The following COL27A1 variants were observed in gnomAD, a reference collection of about 807,000 sequenced individuals.
COL27A1 encodes collagen type XXVII alpha 1 chain.
Under a neutral mutation model 251.3 loss-of-function variants are expected in COL27A1, and 106 were observed. That is an observed-to-expected ratio of 0.42 (90% confidence interval 0.36 to 0.50). The LOEUF is 0.50. Ranked by LOEUF, COL27A1 falls within the 20% of genes least tolerant of loss-of-function variation. The pLI, the probability that COL27A1 is intolerant of heterozygous loss-of-function variation, is 0.00. For missense variants in COL27A1, 2,325 were observed against 2,522.8 expected, an observed-to-expected ratio of 0.92 and a Z score of 1.68; for synonymous variants, 1,000 against 986.3, an observed-to-expected ratio of 1.01 and a Z score of -0.26.
At chr9:114,235,447 G>C (rs951962857) in intron 16 of COL27A1, 152 bp from the exon 17 acceptor site, 1 of 730,920 alleles carries the variant, frequency 1.4e-6, no homozygotes, top group African/African-American at 1.7e-5. Flanking sequence ...CCTCGCCAGG[G>C]GCCCGTCCTT....
intron 3 of COL27A1, among the ~76,000 whole-genome samples, chr9:114,170,455 C>T (rs7040971): frequency 6.6e-6 from 1 of 152,090 alleles, no homozygotes; most frequent in Non-Finnish European, 1.5e-5. Context: ...CGTGTGGTGG[C>T]CTCTCTCTCT....
intron 3 of COL27A1, among the ~76,000 whole-genome samples, chr9:114,176,540 T>TGGGGGGGGGGGG (rs34210707): frequency 2.0e-5 from 3 of 148,392 alleles, no homozygotes; most frequent in Non-Finnish European, 4.5e-5. Context: ...AGTAGGTGGG[T>TGGGGGGGGGGGG]GGGGGGGGGT....
intron 49 of COL27A1, among the ~76,000 whole-genome samples, chr9:114,295,300 A>G (rs970991617): frequency 6.6e-6 from 1 of 152,246 alleles, no homozygotes. Context: ...GAAGACTTAA[A>G]TAAATGGAGA....
chr9:114,253,317 A>AAGAAAGAAAGAG (rs1179949305), intron 27 of COL27A1, among the ~76,000 whole-genome samples: 1 of 149,900 alleles, frequency 6.7e-6, no homozygotes, highest in Non-Finnish European at 1.5e-5. Flanking sequence ...GAAAGAAAGA[A>AAGAAAGAAAGAG]AGAGAGAGGA....
rs747817252 is a variant in COL27A1 at position 114,284,771 on chromosome 9, C to T, written c.3981C>T (p.Gly1327=). 8.7e-6 allele frequency: 14 copies of T among 1,614,048 alleles called. No individual in the cohort carries two copies. In the African/African-American group the frequency reaches 1.7e-4, roughly 20 times the overall value. Residue 1327 remains glycine (G), a synonymous_variant, in exon 41 of 61, where the codon GGC becomes GGT. Transcript: ENST00000356083. The stretch of plus-strand genomic sequence containing the variant: ...CCCTTGGACCTCCTGGACCAAAAGG[C>T]GAAAAGGTGGGTGTTTGCTCTGGGG... ...VGPLGPPGPK[G]EKGEQGEDGK...
intron 27 of COL27A1, among the ~76,000 whole-genome samples, chr9:114,257,108 G>A (rs1427694252): frequency 6.6e-6 from 1 of 152,188 alleles, no homozygotes; most frequent in Non-Finnish European, 1.5e-5. Context: ...GGGTGATAGC[G>A]GCTGGGTTCA....
Position 114,312,499 on chromosome 9 carries a change from T to C in COL27A1, c.*1804T>C, listed in dbSNP as rs1006184590. On this transcript the variant is annotated 3_prime_UTR_variant, in exon 61 of 61. Transcript: ENST00000356083. ...TGGATTTTAAATAAATATTTAAAAC[T>C]GAGGCAATGGAATGACACGCCTGTG... 2.6e-5 allele frequency: 4 copies of C among 152,364 alleles called. No individual in the cohort carries two copies. The highest frequency in any genetic ancestry group is 9.6e-5 in the African/African-American group (4 of 41,586). 9.4% of individuals were successfully genotyped at this position (152,364 alleles called of 1,614,324 possible). A position where few individuals can be genotyped will look rare whatever the true frequency, so the allele number is the denominator to read the frequency against.
rs201224214 is a variant in COL27A1 at position 114,290,356 on chromosome 9, A to G, written c.4368+25A>G. ...GGTGAGCGGGAATTGGCATTAACAG[A>G]TGGTGGCTCCATTTGGGACCAGGTG... On this transcript the variant is annotated intron_variant, in intron 47 of 60. Coordinates refer to ENST00000356083, the MANE Select transcript of COL27A1 (RefSeq NM_032888.4). The surrounding 1 kb of genome is among the most constrained non-coding windows in gnomAD (Gnocchi z 4.6). 606 of 1,540,278 alleles carry G rather than the reference A, an allele frequency of 3.9e-4. 3 individuals are homozygous for G. Among genetic ancestry groups the G allele is most frequent in the Middle Eastern group, 5.1e-4 (3 of 5,850 alleles).
At chr9:114,211,516 G>A (rs954019950) in intron 12 of COL27A1, among the ~76,000 whole-genome samples, 39 of 152,240 alleles carry the variant, frequency 2.6e-4, no homozygotes, top group African/African-American at 8.4e-4. Context: ...CCGAAAGAGG[G>A]GCTCAGCGGT....
At chr9:114,210,611 C>T (rs1830281784) in intron 11 of COL27A1, among the ~76,000 whole-genome samples, 1 of 152,154 alleles carries the variant, frequency 6.6e-6, no homozygotes, top group South Asian at 2.1e-4. Context: ...CCTGGAGGTC[C>T]ATTAGAAGCC....
intron 27 of COL27A1, among the ~76,000 whole-genome samples, chr9:114,256,258 G>A (rs972437109): frequency 5.9e-5 from 9 of 152,280 alleles, no homozygotes; most frequent in African/African-American, 1.4e-4. Flanking sequence ...TTGGGAGGCC[G>A]AGGCTGGCGG....
chr9:114,301,980 C>T (rs892206670), intron 55 of COL27A1, 102 bp from the exon 56 acceptor site: 25 of 1,185,576 alleles, frequency 2.1e-5, no homozygotes, highest in Non-Finnish European at 2.7e-5. Context: ...GCCAGCTTGG[C>T]AGGTCCTGCA....
chr9:114,250,750 G>A, intron 25 of COL27A1, 82 bp downstream of exon 25: 5 of 1,276,024 alleles, frequency 3.9e-6, no homozygotes, highest in Non-Finnish European at 5.7e-6. Context: ...CCTTTGACCT[G>A]GGGATTTCAG....
intron 41 of COL27A1, among the ~76,000 whole-genome samples, chr9:114,286,553 G>A (rs946266294): frequency 2.0e-5 from 3 of 151,586 alleles, no homozygotes; most frequent in Non-Finnish European, 4.4e-5. Flanking sequence ...CTGGTGGCCA[G>A]AGAGAGGGGA....
chr9:114,200,297 C>G (rs1185746573), intron 7 of COL27A1, among the ~76,000 whole-genome samples: 1 of 152,220 alleles, frequency 6.6e-6, no homozygotes, highest in Admixed American at 6.5e-5. Flanking sequence ...CTGCTCCTCC[C>G]CCAAGCCTCA....
chr9:114,230,134 A>G (rs1831835796), intron 14 of COL27A1, among the ~76,000 whole-genome samples: 1 of 152,156 alleles, frequency 6.6e-6, no homozygotes, highest in African/African-American at 2.4e-5. Flanking sequence ...AGTTCACACA[A>G]TGAGTGAGTC....
At chr9:114,304,417 T>C (rs950178979) in intron 56 of COL27A1, 191 bp from the exon 57 acceptor site, 5 of 615,718 alleles carry the variant, frequency 8.1e-6, no homozygotes, top group Non-Finnish European at 1.5e-5. Flanking sequence ...TGGGGAGCTA[T>C]TAGTACCTGG....
In COL27A1 at chr9:114,264,392, G is replaced by T; in HGVS notation, c.3233G>T (p.Gly1078Val). The T allele has an allele frequency of 1.3e-6, 2 of 1,593,868 alleles. No homozygotes were observed. Among genetic ancestry groups the T allele is most frequent in the East Asian group, 2.3e-5 (1 of 44,146 alleles). ...RGPDGPAGEQ[G>V]SRGLKGPPGP... Reference sequence around the variant, plus strand: ...CCGGACGGACCAGCTGGGGAGCAAGGGTCCAGGGGCCTGAAGGTACCGACC... The same window carrying T: ...CCGGACGGACCAGCTGGGGAGCAAGTGTCCAGGGGCCTGAAGGTACCGACC... The change falls in exon 29 of 61, where the codon GGG (glycine) becomes GTG (valine). Residue 1078 changes from glycine to valine, a missense_variant. By Grantham distance (109) the Gly-to-Val change is moderately radical. This residue lies in a region of COL27A1 where 662 missense variants were observed against 795.3 expected (regional missense o/e 0.83). Transcript: ENST00000356083.
At chr9:114,212,314 G>A (rs1226926629) in intron 12 of COL27A1, among the ~76,000 whole-genome samples, 1 of 152,248 alleles carries the variant, frequency 6.6e-6, no homozygotes, top group Non-Finnish European at 1.5e-5. Flanking sequence ...CATGACCTCA[G>A]GCAAGGAGAT....
Sources: allele counts gnomAD v4.1 joint callset (sites outside exome capture counted in the v4.1 genomes callset), GRCh38; gene constraint gnomAD v4.1.1; regional missense constraint gnomAD v4.1.1; non-coding constraint Gnocchi (gnomAD v3.1); transcripts MANE v1.5; gene names NCBI Gene and HGNC (gene_info 2026-07-23, HGNC 2026-07-21).